Variants in EMILIN2 observed in about 807,000 individuals in gnomAD.
EMILIN2 encodes the protein EMILIN-2.
Under a neutral mutation model 87.1 loss-of-function variants are expected in EMILIN2, and 71 were observed. That is an observed-to-expected ratio of 0.82 (90% confidence interval 0.67 to 0.99). EMILIN2 has a LOEUF of 0.99. Ranked by LOEUF, EMILIN2 falls within the 50% of genes least tolerant of loss-of-function variation. The pLI, the probability that EMILIN2 is intolerant of heterozygous loss-of-function variation, is 0.00. For missense variants in EMILIN2, 1,407 were observed against 1,371.8 expected (o/e 1.03, Z -0.40); for synonymous variants, 581 against 563.4 (o/e 1.03, Z -0.44).
In EMILIN2 at chr18:2,863,541, TC is replaced by T. The variant is rs543637742; in HGVS notation, c.257+15611del. On this transcript the variant is annotated intron_variant, in intron 2 of 7. Coordinates refer to ENST00000254528, the MANE Select transcript of EMILIN2 (RefSeq NM_032048.3). ...GTAGTTGAGCTGTTTTGAGTGAGTT[TC>T]TTAATCCTGAGTTCTAGTTTGATTG... Among the ~76,000 whole-genome samples, 446 of 152,256 alleles carry T rather than the reference TC, an allele frequency of 2.9e-3. 1 individual carries two copies. The highest frequency in any genetic ancestry group is 9.7e-3 in the African/African-American group (405 of 41,558).
chr18:2,902,556 A>T (rs1472408212), intron 4 of EMILIN2, among the ~76,000 whole-genome samples: 7 of 152,172 alleles, frequency 4.6e-5, no homozygotes, highest in Non-Finnish European at 1.0e-4. Context: ...TCAGGGGTGC[A>T]CATGGTAAAG....
Position 2,906,868 on chromosome 18 carries a change from A to C in EMILIN2, c.2445A>C (p.Ala815=). The C allele has an allele frequency of 7.3e-7, 1 of 1,373,642 alleles. No individual in the cohort carries two copies. The highest frequency in any genetic ancestry group is 9.4e-7 in the Non-Finnish European group (1 of 1,062,958). The allele number at this position is 1,373,642 out of a possible 1,614,324, so 85.1% of individuals were successfully genotyped here. ...EPAPPRPSGP[A]TAEDPGRRPV... is the part of the protein sequence containing the mutation. Reference sequence around the variant, plus strand: ...CCCCGCCGAGGCCCAGCGGCCCCGCAACCGCAGAGGACCCTGGGCGACGGC... The same window carrying C: ...CCCCGCCGAGGCCCAGCGGCCCCGCCACCGCAGAGGACCCTGGGCGACGGC... Residue 815 remains alanine, a synonymous_variant, in exon 5 of 8, where the codon GCA becomes GCC. Transcript: ENST00000254528.
At chr18:2,873,878 G>C (rs1434261570) in intron 2 of EMILIN2, among the ~76,000 whole-genome samples, 1 of 152,126 alleles carries the variant, frequency 6.6e-6, no homozygotes, top group Non-Finnish European at 1.5e-5. Context: ...CCAAGGCTTA[G>C]TGTCCTGCGG....
intron 7 of EMILIN2, among the ~76,000 whole-genome samples, chr18:2,911,203 T>C (rs1397485346): frequency 1.3e-5 from 2 of 152,206 alleles, no homozygotes; most frequent in African/African-American, 4.8e-5. Flanking sequence ...GTCTTATACA[T>C]TGGCATGCTT....
At position 2,867,419 on chromosome 18, in the gene EMILIN2, A is replaced by G. The variant is rs112286038; in HGVS notation, c.258-17545A>G. Among the ~76,000 whole-genome samples the G allele has an allele frequency of 7.2e-3, 1,097 of 152,168 alleles. 4 individuals are homozygous for G. Among genetic ancestry groups the G allele is most frequent in the Non-Finnish European group, 0.011 (770 of 67,998 alleles). ...GCAGAGGGGGATTTGGCAGGGTCAT[A>G]GGACAATAGTGGAGGGAAGGTCAGC... On this transcript the variant is annotated intron_variant, in intron 2 of 7. Transcript: ENST00000254528.
At chr18:2,887,472 G>A (rs943242164) in intron 3 of EMILIN2, among the ~76,000 whole-genome samples, 2 of 128,390 alleles carry the variant, frequency 1.6e-5, no homozygotes, top group Admixed American at 7.7e-5. Flanking sequence ...CCCTCCTTGC[G>A]GTAATAAATG....
intron 4 of EMILIN2, among the ~76,000 whole-genome samples, chr18:2,895,507 G>C (rs1255077628): frequency 6.6e-6 from 1 of 152,232 alleles, no homozygotes; most frequent in Non-Finnish European, 1.5e-5. Context: ...AACCCCGGCA[G>C]GGCTTGGCTC....
rs202158489 is a variant in EMILIN2, at chr18:2,858,522, CATATATATATATAT to C, written c.257+10626_257+10639del. Among the ~76,000 whole-genome samples, 174 of 45,732 alleles carry C rather than the reference CATATATATATATAT, an allele frequency of 3.8e-3. 4 individuals carry two copies. Among genetic ancestry groups the C allele is most frequent in the African/African-American group, 0.015 (114 of 7,770 alleles). 30.0% of individuals were successfully genotyped at this position (45,732 alleles called of 152,430 possible). On this transcript the variant is annotated intron_variant, in intron 2 of 7. Coordinates refer to ENST00000254528, the MANE Select transcript of EMILIN2 (RefSeq NM_032048.3). The stretch of plus-strand genomic sequence containing the variant: ...TTTTTATAGCTGAGTAGTATTCCAT[CATATATATATATAT>C]ATATATATATATATATATATATATA...
chr18:2,872,832 A>T (rs1392373843), intron 2 of EMILIN2, among the ~76,000 whole-genome samples: 1 of 121,024 alleles, frequency 8.3e-6, no homozygotes, highest in Non-Finnish European at 1.8e-5. Flanking sequence ...ACACATAGGG[A>T]ATTATTTTAA....
chr18:2,907,179 T>C, intron 5 of EMILIN2, 94 bp downstream of exon 5: 2 of 1,192,392 alleles, frequency 1.7e-6, no homozygotes, highest in South Asian at 4.2e-5. Context: ...CGGTTCGGGG[T>C]CCAGCCTTCG....
intron 4 of EMILIN2, among the ~76,000 whole-genome samples, chr18:2,901,739 G>A (rs1190706664): frequency 6.6e-6 from 1 of 152,248 alleles, no homozygotes; most frequent in Non-Finnish European, 1.5e-5. Context: ...GTCGGCTGCT[G>A]GAGAGGTCTC....
At chr18:2,905,300 C>CGGG (rs397948248) in intron 4 of EMILIN2, among the ~76,000 whole-genome samples, 54 of 44,292 alleles carry the variant, frequency 1.2e-3, no homozygotes, top group Non-Finnish European at 1.5e-3. Context: ...GTGGGTGGGG[C>CGGG]GGGGGGGGGG....
intron 7 of EMILIN2, 133 bp from the exon 8 acceptor site, chr18:2,912,934 G>A: frequency 1.1e-6 from 1 of 920,608 alleles, no homozygotes; most frequent in East Asian, 2.6e-5. Context: ...GCTGAGGCAG[G>A]CAGCCAGCTA....
At chr18:2,870,713 A>C (rs2076715022) in intron 2 of EMILIN2, among the ~76,000 whole-genome samples, 1 of 152,218 alleles carries the variant, frequency 6.6e-6, no homozygotes, top group African/African-American at 2.4e-5. Context: ...ATGTGAGAGA[A>C]GGCCAAGGTC....
chr18:2,890,629 T>C lies in EMILIN2; in HGVS notation c.502T>C (p.Trp168Arg). The change falls in exon 4 of 8, where the codon TGG becomes CGG. Residue 168 changes from tryptophan to arginine, a missense_variant. Physicochemically the swap from Trp to Arg is moderately radical, Grantham distance 101. Transcript: ENST00000254528. This position sits in a 1 kb window ranked among gnomAD's most constrained non-coding sequence, Gnocchi z 4.7. ...CCCAACTGGTACAGCACAACCAAGC[T>C]GGGGGGTAGATCCAAAAGAGGGGCC... ...LSPTGTAQPS[W>R]GVDPKEGPQE... 6.2e-7 allele frequency: 1 copy of C among 1,613,518 alleles called. No individual in the cohort carries two copies. Among genetic ancestry groups the C allele is most frequent in the Non-Finnish European group, 8.5e-7 (1 of 1,179,528 alleles).
intron 2 of EMILIN2, among the ~76,000 whole-genome samples, chr18:2,851,845 ATTAGT>A (rs2076603340): frequency 6.6e-6 from 1 of 152,118 alleles, no homozygotes; most frequent in African/African-American, 2.4e-5. Flanking sequence ...CATTCCATAC[ATTAGT>A]TTATTTAGTT....
chr18:2,915,802 T>TA lies in EMILIN2; in HGVS notation c.*2399dup, dbSNP rs1452691839. On this transcript the variant is annotated 3_prime_UTR_variant, in exon 8 of 8. Coordinates refer to ENST00000254528, the MANE Select transcript of EMILIN2 (RefSeq NM_032048.3). Reference sequence around the variant, plus strand: ...CCTCCCAAAGTGCTGGGATTACAGGTATGAGCCACCACGCCCAGCCAAGTT... The same window carrying TA: ...CCTCCCAAAGTGCTGGGATTACAGGTAATGAGCCACCACGCCCAGCCAAGTT... 6.6e-6 allele frequency: 1 copy of TA among 152,184 alleles called. No individual in the cohort carries two copies. Among genetic ancestry groups the TA allele is most frequent in the African/African-American group, 2.4e-5 (1 of 41,396 alleles). The allele number at this position is 152,184 out of a possible 1,614,324, so 9.4% of individuals were successfully genotyped here. A position where few individuals can be genotyped will look rare whatever the true frequency, so the allele number is the denominator to read the frequency against.
rs73369488 is a variant in EMILIN2 at position 2,890,197 on chromosome 18, G to A, written c.434-364G>A. ...GAATGAAGTGTTCATATGATAAAGC[G>A]GATAATGAATATTTCCCCTCAGGGT... On this transcript the variant is annotated intron_variant, in intron 3 of 7. Transcript: ENST00000254528. The surrounding 1 kb of genome is among the most constrained non-coding windows in gnomAD (Gnocchi z 4.7). 3.4e-3 allele frequency among the ~76,000 whole-genome samples: 524 copies of A among 152,234 alleles called. 1 individual carries two copies. The highest frequency in any genetic ancestry group is 0.012 in the African/African-American group (497 of 41,524).
chr18:2,903,987 T>C (rs1249708363), intron 4 of EMILIN2, among the ~76,000 whole-genome samples: 1 of 152,240 alleles, frequency 6.6e-6, no homozygotes, highest in Admixed American at 6.5e-5. Flanking sequence ...CATTTCCCAA[T>C]ACCTTTTTAA....
Sources: gnomAD v4.1 joint callset for allele counts (sites outside exome capture counted in the v4.1 genomes callset) on GRCh38, gnomAD v4.1.1 for gene constraint, Gnocchi (gnomAD v3.1) non-coding constraint, MANE v1.5 for transcripts, NCBI Gene and HGNC (gene_info 2026-07-23, HGNC 2026-07-21) for gene names.